LPP: variants seen among roughly 807,000 people sequenced by gnomAD.
The protein encoded by LPP is lipoma-preferred partner.
LPP carries 38 observed loss-of-function variants against 60.4 expected under a neutral mutation model. That is an observed-to-expected ratio of 0.63 (90% confidence interval 0.49 to 0.83). The LOEUF (loss-of-function observed/expected upper bound fraction) is 0.83. Among genes scored for constraint, LPP ranks in the 40% least tolerant of loss-of-function variants. The pLI is 0.00. For missense variants in LPP, 902 were observed against 783.6 expected (o/e 1.15, Z -1.80); for synonymous variants, 328 against 290.8 (o/e 1.13, Z -1.30).
At chr3:188,707,307 A>T (rs573246229) in intron 7 of LPP, among the ~76,000 whole-genome samples, 104 of 152,252 alleles carry the variant, frequency 6.8e-4, no homozygotes, top group Admixed American at 1.3e-3. Context: ...GGGGGAATAG[A>T]CAAAGGCCCC....
In LPP at chr3:188,609,113, G is replaced by T; in HGVS notation, c.430-48G>T. On this transcript the variant is annotated intron_variant, in intron 6 of 11. Transcript: ENST00000617246. This position sits in a 1 kb window ranked among gnomAD's most constrained non-coding sequence, Gnocchi z 6.9. ...TATTCATTTTTATTGAGTTTCGTTG[G>T]CAGTAATTTTTGCTTTCTTTCTTTC... 1.5e-6 allele frequency: 2 copies of T among 1,327,442 alleles called. No homozygotes were observed. The highest frequency in any genetic ancestry group is 1.4e-5 in the South Asian group (1 of 73,186). The allele number at this position is 1,327,442 out of a possible 1,614,324, so 82.2% of individuals were successfully genotyped here. A position where few individuals can be genotyped will look rare whatever the true frequency, so the allele number is the denominator to read the frequency against.
chr3:188,376,319 A>G (rs1197896000), intron 3 of LPP, among the ~76,000 whole-genome samples: 1 of 151,808 alleles, frequency 6.6e-6, no homozygotes, highest in Non-Finnish European at 1.5e-5. Flanking sequence ...AAAGTCTCCC[A>G]TTATTATTGT....
At chr3:188,501,232 C>A (rs754551709) in intron 5 of LPP, among the ~76,000 whole-genome samples, 2 of 152,210 alleles carry the variant, frequency 1.3e-5, no homozygotes, top group Non-Finnish European at 2.9e-5. Flanking sequence ...GTTTCCCATA[C>A]GTTTGGTATG....
At chr3:188,291,377 C>T (rs929468321) in intron 2 of LPP, among the ~76,000 whole-genome samples, 5 of 152,102 alleles carry the variant, frequency 3.3e-5, no homozygotes, top group African/African-American at 9.7e-5. Context: ...TGGTGGCTCT[C>T]GCCTGTAATC....
intron 4 of LPP, among the ~76,000 whole-genome samples, chr3:188,418,433 T>C (rs527750484): frequency 9.9e-5 from 15 of 152,258 alleles, no homozygotes; most frequent in African/African-American, 3.1e-4. Context: ...AAAAAGTTAT[T>C]ATCACCCTCA....
chr3:188,456,326 G>C (rs1797732554), intron 4 of LPP, among the ~76,000 whole-genome samples: 1 of 152,146 alleles, frequency 6.6e-6, no homozygotes, highest in Non-Finnish European at 1.5e-5. Context: ...TCTAGTCATG[G>C]TTTAAAATAT....
intron 3 of LPP, among the ~76,000 whole-genome samples, chr3:188,389,804 G>A (rs1318062001): frequency 6.1e-5 from 7 of 115,604 alleles, no homozygotes; most frequent in Non-Finnish European, 9.1e-5. Flanking sequence ...ATGGGACTCC[G>A]TCTCAAAAAA....
chr3:188,396,083 AATC>A (rs1780881751), intron 3 of LPP, among the ~76,000 whole-genome samples: 1 of 152,194 alleles, frequency 6.6e-6, no homozygotes, highest in South Asian at 2.1e-4. Context: ...GCTGAAGTAT[AATC>A]TCTAACTCCC....
intron 4 of LPP, among the ~76,000 whole-genome samples, chr3:188,427,064 CTA>C (rs1332629456): frequency 2.0e-5 from 3 of 151,992 alleles, no homozygotes; most frequent in Non-Finnish European, 4.4e-5. Context: ...TTACAATGCG[CTA>C]TGTTTTTGCA....
intron 1 of LPP, among the ~76,000 whole-genome samples, chr3:188,200,401 C>T (rs1411042999): frequency 6.6e-6 from 1 of 152,114 alleles, no homozygotes; most frequent in Non-Finnish European, 1.5e-5. Flanking sequence ...AGGCACATGC[C>T]ACCATGCCCC....
rs1485239539 is a variant in LPP, at chr3:188,837,421, A to AATAATAATAATC, written c.1411-28777_1411-28776insAATAATAATCAT. Among the ~76,000 whole-genome samples the AATAATAATAATC allele has an allele frequency of 4.0e-3, 560 of 141,696 alleles. 3 individuals are homozygous for AATAATAATAATC. The highest frequency in any genetic ancestry group is 0.014 in the African/African-American group (515 of 38,016). 93.0% of individuals were successfully genotyped at this position (141,696 alleles called of 152,430 possible). A position where few individuals can be genotyped will look rare whatever the true frequency, so the allele number is the denominator to read the frequency against. ...TAATAATAATAATAATAATAATAAT[A>AATAATAATAATC]ATCTGTGCTTCCTGCTTAATTTCTA... On this transcript the variant is annotated intron_variant, in intron 9 of 11. Coordinates refer to ENST00000617246, the MANE Select transcript of LPP (RefSeq NM_001375462.1).
chr3:188,518,360 GA>G (rs1817977299), intron 5 of LPP, among the ~76,000 whole-genome samples: 3 of 152,148 alleles, frequency 2.0e-5, no homozygotes, highest in Admixed American at 1.3e-4. Context: ...CCATTGAAAA[GA>G]AAAGTTGTAT....
At chr3:188,530,301 TA>T (rs1342083819) in intron 6 of LPP, among the ~76,000 whole-genome samples, 2 of 152,230 alleles carry the variant, frequency 1.3e-5, no homozygotes, top group Non-Finnish European at 2.9e-5. Flanking sequence ...AGCTACTTTA[TA>T]AAAAAATCCT....
At chr3:188,715,310 G>A (rs1027087706) in intron 8 of LPP, among the ~76,000 whole-genome samples, 1 of 148,852 alleles carries the variant, frequency 6.7e-6, no homozygotes, top group Admixed American at 6.7e-5. Context: ...CCCAGGAGGC[G>A]GAGGTTACAG....
chr3:188,589,011 C>T (rs1838095135), intron 6 of LPP, among the ~76,000 whole-genome samples: 1 of 151,984 alleles, frequency 6.6e-6, no homozygotes, highest in South Asian at 2.1e-4. Flanking sequence ...GGTGTGTGGA[C>T]TTCTTGAGTC....
At chr3:188,195,390 C>T (rs1729255330) in intron 1 of LPP, among the ~76,000 whole-genome samples, 1 of 151,996 alleles carries the variant, frequency 6.6e-6, no homozygotes, top group East Asian at 1.9e-4. Context: ...ATAATATAAC[C>T]CAAGACTAGA....
chr3:188,162,047 G>C (rs1718448730), intron 1 of LPP, among the ~76,000 whole-genome samples: 1 of 152,124 alleles, frequency 6.6e-6, no homozygotes, highest in Non-Finnish European at 1.5e-5. Flanking sequence ...AAGTTTTTAG[G>C]CAATAGTTTT....
chr3:188,654,478 G>T (rs533483750), intron 7 of LPP, among the ~76,000 whole-genome samples: 10 of 152,128 alleles, frequency 6.6e-5, no homozygotes, highest in Non-Finnish European at 1.5e-4. Context: ...CACACCTTAG[G>T]GTGAAAATCA....
At chr3:188,867,598 C>A (rs2152004254) in intron 10 of LPP, among the ~76,000 whole-genome samples, 1 of 152,186 alleles carries the variant, frequency 6.6e-6, no homozygotes, top group African/African-American at 2.4e-5. Flanking sequence ...CCTGCCTCAG[C>A]CTCCCAAAGA....
Sources: gnomAD v4.1 joint callset for allele counts (sites outside exome capture counted in the v4.1 genomes callset) on GRCh38, gnomAD v4.1.1 for gene constraint, Gnocchi (gnomAD v3.1) non-coding constraint, MANE v1.5 for transcripts, NCBI Gene and HGNC (gene_info 2026-07-23, HGNC 2026-07-21) for gene names.